The following CAMK1D variants were observed in gnomAD, a reference collection of about 807,000 sequenced individuals.
CAMK1D encodes the protein calcium/calmodulin-dependent protein kinase type 1D.
CAMK1D carries 9 observed loss-of-function variants against 47.7 expected under a neutral mutation model. That is an observed-to-expected ratio of 0.19 (90% CI 0.11 to 0.33). CAMK1D has a LOEUF of 0.33. CAMK1D is among the 10% of genes least tolerant of loss of function. CAMK1D has a pLI of 1.00. For missense variants in CAMK1D, 291 were observed against 488.7 expected, an observed-to-expected ratio of 0.60 and a Z score of 3.81; for synonymous variants, 184 against 184.9, an observed-to-expected ratio of 0.99 and a Z score of 0.04.
At chr10:12,405,662 C>T (rs1459423716) in intron 1 of CAMK1D, among the ~76,000 whole-genome samples, 3 of 152,242 alleles carry the variant, frequency 2.0e-5, no homozygotes, top group African/African-American at 7.2e-5. Context: ...TGCCAAGTGA[C>T]AGTCAACAGG....
chr10:12,532,570 T>C (rs961091718), intron 1 of CAMK1D, among the ~76,000 whole-genome samples: 2 of 152,232 alleles, frequency 1.3e-5, no homozygotes, highest in African/African-American at 4.8e-5. Context: ...TGAGCCACCG[T>C]GCCCGGCCTA....
In CAMK1D at chr10:12,816,265, G is replaced by A. The variant is rs200489408; in HGVS notation, c.770G>A (p.Arg257Gln). ...TTTTGAACAGCAAAAGACTTCATTC[G>A]GAACCTGATGGAGAAGGACCCGAAT... ...DISDSAKDFIRNLMEKDPNKR... is the reference protein window; with the variant it reads ...DISDSAKDFIQNLMEKDPNKR... The change falls in exon 8 of 11, where the codon CGG (arginine) becomes CAG (glutamine). Residue 257 changes from arginine (R) to glutamine (Q), a missense_variant. Arg to Gln is a conservative substitution (Grantham distance 43, BLOSUM62 1). Around this residue, in one of 2 missense-constraint regions of CAMK1D, gnomAD observed 219 missense variants for 424.3 expected, o/e 0.52. Coordinates refer to ENST00000619168, the MANE Select transcript of CAMK1D (RefSeq NM_153498.4). The A allele has an allele frequency of 1.5e-5, 24 of 1,613,672 alleles. No homozygotes were observed. In the Admixed American group the frequency reaches 1.7e-4, roughly 11 times the overall value.
At chr10:12,461,879 C>T (rs987885082) in intron 1 of CAMK1D, among the ~76,000 whole-genome samples, 1 of 152,142 alleles carries the variant, frequency 6.6e-6, no homozygotes, top group East Asian at 1.9e-4. Flanking sequence ...GTTTGTTGCT[C>T]ATCACAGAAA....
At chr10:12,599,221 T>C (rs1838232627) in intron 2 of CAMK1D, among the ~76,000 whole-genome samples, 1 of 152,170 alleles carries the variant, frequency 6.6e-6, no homozygotes, top group African/African-American at 2.4e-5. Flanking sequence ...TAAAAAATTA[T>C]GGTGAAGGTT....
chr10:12,686,277 A>G (rs1036163437), intron 3 of CAMK1D, among the ~76,000 whole-genome samples: 2 of 152,154 alleles, frequency 1.3e-5, no homozygotes, highest in African/African-American at 2.4e-5. Flanking sequence ...ATGTTAATGA[A>G]TAAGTACCAT....
chr10:12,758,924 G>C (rs74430206), intron 3 of CAMK1D, among the ~76,000 whole-genome samples: 13 of 152,354 alleles, frequency 8.5e-5, no homozygotes, highest in African/African-American at 2.9e-4. Context: ...GGGGGCCTAT[G>C]TGGAAGGGCA....
rs899104573 is a variant in CAMK1D, at chr10:12,542,010, G to A, written c.93-11215G>A. Among the ~76,000 whole-genome samples the A allele has an allele frequency of 1.3e-4, 19 of 151,914 alleles. 1 individual carries two copies. The highest frequency in any genetic ancestry group is 3.4e-4 in the African/African-American group (14 of 41,282). ...CCACCTCAGCTTCGTGAGTAGCTGGGACAATAGGCATGCACCACCATGGCA... is the reference window on the plus strand; with the variant it reads ...CCACCTCAGCTTCGTGAGTAGCTGGAACAATAGGCATGCACCACCATGGCA... On this transcript the variant is annotated intron_variant, in intron 1 of 10. Coordinates refer to ENST00000619168, the MANE Select transcript of CAMK1D (RefSeq NM_153498.4).
intron 1 of CAMK1D, among the ~76,000 whole-genome samples, chr10:12,397,801 G>A (rs1479706103): frequency 6.6e-6 from 1 of 152,160 alleles, no homozygotes; most frequent in Non-Finnish European, 1.5e-5. Flanking sequence ...AAAAGTTTTT[G>A]AATCAACATA....
At chr10:12,706,016 G>A (rs1833716049) in intron 3 of CAMK1D, among the ~76,000 whole-genome samples, 1 of 152,356 alleles carries the variant, frequency 6.6e-6, no homozygotes, top group Non-Finnish European at 1.5e-5. Flanking sequence ...TTACAGTGCA[G>A]TAGTCCTGCT....
intron 1 of CAMK1D, among the ~76,000 whole-genome samples, chr10:12,442,718 T>C (rs1437028423): frequency 5.3e-5 from 8 of 152,312 alleles, no homozygotes; most frequent in African/African-American, 1.9e-4. Context: ...TGAAAGGTTT[T>C]ATATCGAGTG....
At chr10:12,766,429 C>T (rs1044390989) in intron 4 of CAMK1D, among the ~76,000 whole-genome samples, 4 of 142,834 alleles carry the variant, frequency 2.8e-5, no homozygotes, top group African/African-American at 1.1e-4. Context: ...GTGGCGTACA[C>T]GTGGCTGACA....
intron 1 of CAMK1D, among the ~76,000 whole-genome samples, chr10:12,380,974 A>G (rs1338939503): frequency 6.6e-6 from 1 of 152,198 alleles, no homozygotes; most frequent in Non-Finnish European, 1.5e-5. Context: ...GTTAAAATGA[A>G]TGGTTTGAGG....
At chr10:12,600,449 A>C (rs1241772983) in intron 2 of CAMK1D, among the ~76,000 whole-genome samples, 2 of 152,240 alleles carry the variant, frequency 1.3e-5, no homozygotes, top group African/African-American at 4.8e-5. Flanking sequence ...AACAGAATAT[A>C]GAGGGGTCAG....
intron 1 of CAMK1D, among the ~76,000 whole-genome samples, chr10:12,525,196 T>A (rs1835579916): frequency 6.6e-6 from 1 of 152,224 alleles, no homozygotes. Flanking sequence ...TTGATTGTTG[T>A]GTGGGTATTC....
rs926794156 is a variant in CAMK1D at position 12,616,512 on chromosome 10, G to T, written c.225-50224G>T. On this transcript the variant is annotated intron_variant, in intron 2 of 10. Coordinates refer to ENST00000619168, the MANE Select transcript of CAMK1D (RefSeq NM_153498.4). ...GTATCTTTTTGTTTGTTTGTTTTTTGTTGTTGTTGTTGTTGTTGTTTTTGA... is the reference window on the plus strand; with the variant it reads ...GTATCTTTTTGTTTGTTTGTTTTTTTTTGTTGTTGTTGTTGTTGTTTTTGA... Among the ~76,000 whole-genome samples the T allele has an allele frequency of 2.5e-3, 34 of 13,732 alleles. No individual in the cohort carries two copies. The South Asian group carries it at 0.075, about 30-fold the overall frequency. 9.0% of individuals were successfully genotyped at this position (13,732 alleles called of 152,430 possible).
chr10:12,433,312 C>T (rs1422550584), intron 1 of CAMK1D, among the ~76,000 whole-genome samples: 1 of 152,124 alleles, frequency 6.6e-6, no homozygotes, highest in Non-Finnish European at 1.5e-5. Flanking sequence ...CTGCAGACCC[C>T]AGGACTTAAT....
At chr10:12,704,207 G>A (rs1466371731) in intron 3 of CAMK1D, among the ~76,000 whole-genome samples, 3 of 151,586 alleles carry the variant, frequency 2.0e-5, no homozygotes, top group Non-Finnish European at 4.4e-5. Flanking sequence ...TTAAGAAGAA[G>A]CCTCATTAGG....
chr10:12,488,848 G>A (rs546472405), intron 1 of CAMK1D, among the ~76,000 whole-genome samples: 2 of 152,316 alleles, frequency 1.3e-5, no homozygotes, highest in African/African-American at 2.4e-5. Context: ...GAGCTCAGGC[G>A]GTGATGCGAG....
chr10:12,407,554 C>T (rs1291726812), intron 1 of CAMK1D, among the ~76,000 whole-genome samples: 2 of 152,186 alleles, frequency 1.3e-5, no homozygotes, highest in Non-Finnish European at 2.9e-5. Context: ...ATGGTAGCCC[C>T]TTCTTCTGGA....
Sources: gnomAD v4.1 joint callset for allele counts (sites outside exome capture counted in the v4.1 genomes callset) on GRCh38, gnomAD v4.1.1 for gene constraint, gnomAD v4.1.1 regional missense constraint, MANE v1.5 for transcripts, NCBI Gene and HGNC (gene_info 2026-07-23, HGNC 2026-07-21) for gene names.